ARID1B: variants seen among roughly 807,000 people sequenced by gnomAD.
ARID1B encodes the protein AT-rich interaction domain 1B.
Under a neutral mutation model 212.3 loss-of-function variants are expected in ARID1B, and 30 were observed. The observed-to-expected ratio is 0.14, with a 90% CI of 0.11 to 0.19. ARID1B has a LOEUF of 0.19. Among genes scored for constraint, ARID1B ranks in the 10% least tolerant of loss-of-function variants. The pLI, the probability that ARID1B is intolerant of heterozygous loss-of-function variation, is 1.00. For synonymous variants in ARID1B, 1,402 were observed against 1,301.7 expected, an observed-to-expected ratio of 1.08 and a Z score of -1.66; for missense variants, 2,891 against 3,204.0, an observed-to-expected ratio of 0.90 and a Z score of 2.36.
Position 157,057,892 on chromosome 6 carries a change from G to T in ARID1B, c.2248-26770G>T, listed in dbSNP as rs543547589. 3.4e-4 allele frequency among the ~76,000 whole-genome samples: 51 copies of T among 152,168 alleles called. 1 individual carries two copies. Among genetic ancestry groups the T allele is most frequent in the African/African-American group, 1.2e-3 (49 of 41,502 alleles). Reference sequence around the variant, plus strand: ...AGCATACTCTATGAGTACATTGAGTGGTTTTCTGATATTCCAGAGGAATTA... The same window carrying T: ...AGCATACTCTATGAGTACATTGAGTTGTTTTCTGATATTCCAGAGGAATTA... On this transcript the variant is annotated intron_variant, in intron 4 of 19. Coordinates refer to ENST00000636930, the MANE Select transcript of ARID1B (RefSeq NM_001374828.1).
intron 3 of ARID1B, among the ~76,000 whole-genome samples, chr6:156,913,211 CTTTTTCTTTTTTT>C (rs1325870223): frequency 8.4e-6 from 1 of 119,356 alleles, no homozygotes; most frequent in African/African-American, 3.7e-5. Flanking sequence ...CAACATTTTT[CTTTTTCTTTTTTT>C]TTTTTTTTTT....
At chr6:156,817,154 G>A (rs1200700339) in intron 1 of ARID1B, among the ~76,000 whole-genome samples, 1 of 151,994 alleles carries the variant, frequency 6.6e-6, no homozygotes, top group African/African-American at 2.4e-5. Context: ...GGAGGCTGAG[G>A]TGGGTGGATC....
intron 2 of ARID1B, among the ~76,000 whole-genome samples, chr6:156,860,315 C>T (rs527492042): frequency 7.4e-5 from 11 of 149,204 alleles, no homozygotes; most frequent in African/African-American, 2.5e-4. Flanking sequence ...GAATTGTTCA[C>T]ATAACTTATT....
chr6:157,019,565 C>G (rs1020475979), intron 4 of ARID1B, among the ~76,000 whole-genome samples: 1 of 152,188 alleles, frequency 6.6e-6, no homozygotes, highest in South Asian at 2.1e-4. Context: ...AAAAGCAGTT[C>G]TGAAATTGTA....
intron 7 of ARID1B, among the ~76,000 whole-genome samples, chr6:157,136,544 G>T (rs1788921790): frequency 6.6e-6 from 1 of 152,186 alleles, no homozygotes; most frequent in Non-Finnish European, 1.5e-5. Flanking sequence ...TAAGGAGCAA[G>T]AAACAGGCAT....
At chr6:156,786,128 A>G (rs555180270) in intron 1 of ARID1B, among the ~76,000 whole-genome samples, 3 of 152,216 alleles carry the variant, frequency 2.0e-5, no homozygotes, top group Non-Finnish European at 2.9e-5. Context: ...CACCTTTTGC[A>G]TTTGTAGTCT....
intron 6 of ARID1B, among the ~76,000 whole-genome samples, chr6:157,127,109 A>G (rs1788184240): frequency 6.6e-6 from 1 of 152,266 alleles, no homozygotes; most frequent in African/African-American, 2.4e-5. Context: ...CCTTCGAAAT[A>G]AATATACTTG....
At chr6:157,183,747 C>T (rs1312236706) in intron 12 of ARID1B, among the ~76,000 whole-genome samples, 1 of 152,140 alleles carries the variant, frequency 6.6e-6, no homozygotes, top group Admixed American at 6.5e-5. Flanking sequence ...TCCAGGGGCT[C>T]ATTTGCCTTT....
At chr6:157,019,248 A>G (rs1780084044) in intron 4 of ARID1B, among the ~76,000 whole-genome samples, 1 of 152,220 alleles carries the variant, frequency 6.6e-6, no homozygotes, top group African/African-American at 2.4e-5. Flanking sequence ...CCAGTTTCAC[A>G]GTATTCTAGG....
At chr6:156,978,224 G>A (rs148724003) in intron 4 of ARID1B, among the ~76,000 whole-genome samples, 9 of 152,288 alleles carry the variant, frequency 5.9e-5, no homozygotes, top group African/African-American at 9.6e-5. Context: ...GACTCTGCCT[G>A]GTTTCTGCTC....
intron 4 of ARID1B, among the ~76,000 whole-genome samples, chr6:156,977,284 C>CTTT (rs199671090): frequency 1.6e-5 from 2 of 128,826 alleles, no homozygotes; most frequent in South Asian, 2.5e-4. Flanking sequence ...CCTGTCTCCT[C>CTTT]TTTTTTTTTT....
rs1451403234 is a variant in ARID1B at position 157,180,984 on chromosome 6, A to G, written c.3520A>G (p.Thr1174Ala). ...TPSSPKSSSS[T>A]TTGEKITKVY... is the part of the protein sequence containing the mutation. ...TGGGTACTAGAAGTCCAGCTCCTCC[A>G]CCACTACTGGGGAGAAGATCACGAA... Residue 1174 changes from threonine (T) to alanine (A), a missense_variant, in exon 12 of 20, where the codon ACC (threonine) becomes GCC (alanine). Thr to Ala is a moderately conservative substitution (Grantham distance 58, BLOSUM62 0). Around this residue, in one of 7 missense-constraint regions of ARID1B, gnomAD observed 666 missense variants for 873.5 expected, o/e 0.76. Transcript: ENST00000636930. 6.2e-7 allele frequency: 1 copy of G among 1,613,188 alleles called. No homozygotes were observed. The highest frequency in any genetic ancestry group is 1.3e-5 in the African/African-American group (1 of 74,830).
intron 2 of ARID1B, among the ~76,000 whole-genome samples, chr6:156,850,991 C>CT (rs1219461775): frequency 1.3e-5 from 2 of 152,282 alleles, no homozygotes; most frequent in East Asian, 3.9e-4. Context: ...ATCTTTGAAC[C>CT]TTGCGTATTT....
At chr6:156,907,933 G>C (rs1174823115) in intron 3 of ARID1B, among the ~76,000 whole-genome samples, 1 of 149,368 alleles carries the variant, frequency 6.7e-6, no homozygotes. Flanking sequence ...AAGAATTGAA[G>C]ATGAGTCCCT....
intron 2 of ARID1B, among the ~76,000 whole-genome samples, chr6:156,858,751 A>C (rs1234446307): frequency 6.6e-6 from 1 of 152,228 alleles, no homozygotes; most frequent in Non-Finnish European, 1.5e-5. Flanking sequence ...CCTGGGTAAC[A>C]CAGTAAGACT....
chr6:156,778,193 C>A lies in ARID1B; in HGVS notation c.513C>A (p.His171Gln). 1 of 1,540,150 alleles carries A rather than the reference C, an allele frequency of 6.5e-7. No individual in the cohort carries two copies. The highest frequency in any genetic ancestry group is 8.7e-7 in the Non-Finnish European group (1 of 1,146,014). ...CCCACCAGCAGCACCACCACCACCACCATGCCCACCACCACCACCACCATG... is the reference window on the plus strand; with the variant it reads ...CCCACCAGCAGCACCACCACCACCAACATGCCCACCACCACCACCACCATG... ...APPHQQHHHH[H>Q]HAHHHHHHAH... Residue 171 changes from histidine (H) to glutamine (Q), a missense_variant, in exon 1 of 20, where the codon CAC (histidine) becomes CAA (glutamine). Coordinates refer to ENST00000636930, the MANE Select transcript of ARID1B (RefSeq NM_001374828.1).
intron 1 of ARID1B, 94 bp downstream of exon 1, chr6:156,779,565 T>G: frequency 4.4e-5 from 46 of 1,056,584 alleles, no homozygotes; most frequent in East Asian, 2.3e-4. Flanking sequence ...TTTCCCCGTC[T>G]TCCCGCGGGG....
intron 7 of ARID1B, chr6:157,140,854 C>G (rs556751100): frequency 1.3e-3 from 501 of 393,178 alleles, no homozygotes; most frequent in Non-Finnish European, 2.0e-3. Flanking sequence ...CCCCTCAGCA[C>G]TCTGCAGAGT....
In ARID1B at chr6:157,184,479, G is replaced by A. The variant is rs760067259; in HGVS notation, c.3919+44G>A. 16 of 1,607,428 alleles carry A rather than the reference G, an allele frequency of 1.0e-5. No individual in the cohort carries two copies. The South Asian group carries it at 1.1e-4, about 11-fold the overall frequency. ...GTCACTGGCCCAGGAAAGCCCAGGC[G>A]CCTGGCCTGGGAGGTTCCGGGAAGG... is the stretch of plus-strand genomic sequence containing the variant. On this transcript the variant is annotated intron_variant, in intron 13 of 19. Coordinates refer to ENST00000636930, the MANE Select transcript of ARID1B (RefSeq NM_001374828.1).
Sources: allele counts gnomAD v4.1 joint callset (sites outside exome capture counted in the v4.1 genomes callset), GRCh38; gene constraint gnomAD v4.1.1; regional missense constraint gnomAD v4.1.1; transcripts MANE v1.5; gene names NCBI Gene and HGNC (gene_info 2026-07-23, HGNC 2026-07-21).